Variants in EDARADD observed in about 807,000 individuals in gnomAD.
EDARADD encodes EDAR associated via death domain.
A neutral mutation model predicts 25.6 loss-of-function variants in EDARADD; 20 were observed. That is an observed-to-expected ratio of 0.78 (90% CI 0.55 to 1.14). The LOEUF (loss-of-function observed/expected upper bound fraction) is 1.14. EDARADD is among the 50% of genes most tolerant of loss of function. EDARADD has a pLI of 0.00. For synonymous variants in EDARADD, 86 were observed against 94.4 expected, an observed-to-expected ratio of 0.91 and a Z score of 0.52; for missense variants, 225 against 270.1, an observed-to-expected ratio of 0.83 and a Z score of 1.17.
At chr1:236,364,441 T>C (rs1367586465) in intron 3 of EDARADD, among the ~76,000 whole-genome samples, 1 of 152,300 alleles carries the variant, frequency 6.6e-6, no homozygotes, top group East Asian at 1.9e-4. Flanking sequence ...AAAAACTAGC[T>C]GGGATTTTGA....
chr1:236,468,986 G>A (rs11587318), intron 5 of EDARADD, among the ~76,000 whole-genome samples: 24,058 of 152,192 alleles, frequency 0.16, 2,330 homozygotes, highest in Middle Eastern at 0.25. Flanking sequence ...CACTTAGGTA[G>A]CCAAAGGAGC....
chr1:236,364,081 G>A (rs1346559590), intron 3 of EDARADD, among the ~76,000 whole-genome samples: 1 of 151,960 alleles, frequency 6.6e-6, no homozygotes, highest in African/African-American at 2.4e-5. Context: ...GAACCCAGGA[G>A]GTGGAGGTTG....
chr1:236,440,018 T>C (rs1658360016), intron 4 of EDARADD, among the ~76,000 whole-genome samples: 3 of 152,338 alleles, frequency 2.0e-5, no homozygotes, highest in African/African-American at 4.8e-5. Flanking sequence ...GAGTTAATTT[T>C]TGTGAGAGTT....
At chr1:236,455,993 T>G (rs532342514) in intron 4 of EDARADD, among the ~76,000 whole-genome samples, 187 of 152,222 alleles carry the variant, frequency 1.2e-3, no homozygotes, top group African/African-American at 3.9e-3. Flanking sequence ...GTTTCACCAT[T>G]TTAGCCAGGA....
At position 236,484,227 on chromosome 1, in the gene EDARADD, C is replaced by A; in HGVS notation, c.*1578C>A. 1.0e-6 allele frequency: 1 copy of A among 981,684 alleles called. No individual in the cohort carries two copies. Among genetic ancestry groups the A allele is most frequent in the Non-Finnish European group, 1.7e-6 (1 of 603,976 alleles). 60.8% of individuals were successfully genotyped at this position (981,684 alleles called of 1,614,324 possible). On this transcript the variant is annotated 3_prime_UTR_variant, in exon 6 of 6. Coordinates refer to ENST00000334232, the MANE Select transcript of EDARADD (RefSeq NM_145861.4). The surrounding 1 kb of genome is among the most constrained non-coding windows in gnomAD (Gnocchi z 4.1). ...GATTCGCTCTGTGACTGAGTCCCTTCAGGCGTGCAAGCTGGCCCAGGCCAA... is the reference window on the plus strand; with the variant it reads ...GATTCGCTCTGTGACTGAGTCCCTTAAGGCGTGCAAGCTGGCCCAGGCCAA...
chr1:236,463,435 A>G (rs576811513), intron 4 of EDARADD, among the ~76,000 whole-genome samples: 105 of 152,314 alleles, frequency 6.9e-4, no homozygotes, highest in Non-Finnish European at 1.0e-3. Context: ...CTGGGATTAC[A>G]GGTGCACACC....
At chr1:236,471,357 G>T (rs1044584713) in intron 5 of EDARADD, among the ~76,000 whole-genome samples, 1 of 151,046 alleles carries the variant, frequency 6.6e-6, no homozygotes. Flanking sequence ...TAACCCTTAT[G>T]ATGAATAATG....
chr1:236,435,683 G>T (rs1272218850), intron 4 of EDARADD, among the ~76,000 whole-genome samples: 2 of 152,138 alleles, frequency 1.3e-5, no homozygotes, highest in Non-Finnish European at 2.9e-5. Flanking sequence ...GTTATTTGAA[G>T]ATATTGGAAA....
intron 3 of EDARADD, among the ~76,000 whole-genome samples, chr1:236,351,862 T>G (rs1033388341): frequency 1.3e-5 from 2 of 152,226 alleles, no homozygotes; most frequent in Non-Finnish European, 1.5e-5. Flanking sequence ...ATGGGTTTTT[T>G]TAATCAAGGG....
intron 1 of EDARADD, chr1:236,348,360 C>T (rs1300338578): frequency 6.6e-6 from 1 of 152,376 alleles, no homozygotes; most frequent in Non-Finnish European, 1.5e-5. Flanking sequence ...GCTCCGCCTC[C>T]TTGGGGCTGG....
rs1417702501 is a variant in EDARADD at position 236,431,647 on chromosome 1, C to A, written c.219+4197C>A. 4.0e-5 allele frequency among the ~76,000 whole-genome samples: 2 copies of A among 49,696 alleles called. 1 individual carries two copies. The highest frequency in any genetic ancestry group is 7.6e-5 in the African/African-American group (2 of 26,234). 32.6% of individuals were successfully genotyped at this position (49,696 alleles called of 152,430 possible). ...AGTTAAGACCCCAGGCAGGGCCGGG[C>A]GCGGTGGCTCACGCCTGTAATCCCA... On this transcript the variant is annotated intron_variant, in intron 4 of 5. Transcript: ENST00000334232.
At position 236,395,528 on chromosome 1, in the gene EDARADD, T is replaced by G; in HGVS notation, c.61+1023T>G. 9.1e-6 allele frequency: 14 copies of G among 1,535,450 alleles called. No homozygotes were observed. The highest frequency in any genetic ancestry group is 1.2e-5 in the Non-Finnish European group (14 of 1,145,322). Reference sequence around the variant, plus strand: ...AGAGCCACGGTTTGCTCCAGGCGCGTCGGAACCGCAGGACTTTTCATCCCC... The same window carrying G: ...AGAGCCACGGTTTGCTCCAGGCGCGGCGGAACCGCAGGACTTTTCATCCCC... On this transcript the variant is annotated intron_variant, in intron 1 of 5. Coordinates refer to ENST00000334232, the MANE Select transcript of EDARADD (RefSeq NM_145861.4). This position sits in a 1 kb window ranked among gnomAD's most constrained non-coding sequence, Gnocchi z 6.9.
chr1:236,484,091 C>T lies in EDARADD; in HGVS notation c.*1442C>T, dbSNP rs1659761873. The T allele has an allele frequency of 3.2e-6, 5 of 1,575,620 alleles. No homozygotes were observed. Among genetic ancestry groups the T allele is most frequent in the African/African-American group, 1.3e-5 (1 of 74,182 alleles). Reference sequence around the variant, plus strand: ...GGGGAGCTTGGCAGAAGTTCACGGCCAGTGCAGGAATCCAGGTAGTGGAGG... The same window carrying T: ...GGGGAGCTTGGCAGAAGTTCACGGCTAGTGCAGGAATCCAGGTAGTGGAGG... On this transcript the variant is annotated 3_prime_UTR_variant, in exon 6 of 6. Coordinates refer to ENST00000334232, the MANE Select transcript of EDARADD (RefSeq NM_145861.4). The surrounding 1 kb of genome is among the most constrained non-coding windows in gnomAD (Gnocchi z 4.1).
At chr1:236,388,478 A>G (rs1667382361) in intron 3 of EDARADD, among the ~76,000 whole-genome samples, 2 of 152,224 alleles carry the variant, frequency 1.3e-5, no homozygotes, top group African/African-American at 4.8e-5. Flanking sequence ...AGGAATCATG[A>G]CTATCTTTAC....
chr1:236,424,718 G>A (rs1205470650), intron 3 of EDARADD, among the ~76,000 whole-genome samples: 1 of 152,080 alleles, frequency 6.6e-6, no homozygotes, highest in Non-Finnish European at 1.5e-5. Flanking sequence ...GCTACTAGGA[G>A]TTTTCCCTAC....
chr1:236,412,193 C>T (rs985972479), intron 2 of EDARADD, among the ~76,000 whole-genome samples: 3 of 152,162 alleles, frequency 2.0e-5, no homozygotes, highest in Non-Finnish European at 2.9e-5. Context: ...TAATGCTGTT[C>T]CCTCTGGCAA....
intron 3 of EDARADD, among the ~76,000 whole-genome samples, chr1:236,369,601 G>C (rs1166822087): frequency 1.3e-5 from 2 of 152,244 alleles, no homozygotes; most frequent in South Asian, 2.1e-4. Flanking sequence ...CAGCACTTTG[G>C]GGGGCCGAGG....
chr1:236,420,773 G>A (rs1657762942), intron 3 of EDARADD, among the ~76,000 whole-genome samples: 2 of 151,752 alleles, frequency 1.3e-5, no homozygotes, highest in Non-Finnish European at 1.5e-5. Context: ...ATGGAGTCTC[G>A]CTCTGTCACC....
intron 3 of EDARADD, among the ~76,000 whole-genome samples, chr1:236,366,188 T>C (rs1344442727): frequency 2.6e-5 from 4 of 152,232 alleles, no homozygotes; most frequent in Admixed American, 2.0e-4. Flanking sequence ...TGTGACTTTA[T>C]CTTGCTGGGT....
Sources: gnomAD v4.1 joint callset for allele counts (sites outside exome capture counted in the v4.1 genomes callset) on GRCh38, gnomAD v4.1.1 for gene constraint, Gnocchi (gnomAD v3.1) non-coding constraint, MANE v1.5 for transcripts, NCBI Gene and HGNC (gene_info 2026-07-23, HGNC 2026-07-21) for gene names.